The following PIK3C2B variants were observed in gnomAD, a reference collection of about 807,000 sequenced individuals.
The protein encoded by PIK3C2B is phosphatidylinositol-4-phosphate 3-kinase catalytic subunit type 2 beta.
PIK3C2B carries 83 observed loss-of-function variants against 184.3 expected under a neutral mutation model. The ratio of observed to expected loss-of-function variants is 0.45; its 90% confidence interval spans 0.38 to 0.54. The LOEUF is 0.54. Ranked by LOEUF, PIK3C2B falls within the 20% of genes least tolerant of loss-of-function variation. The pLI is 0.00. For synonymous variants in PIK3C2B, 779 were observed against 837.6 expected (o/e 0.93, Z 1.21); for missense variants, 1,736 against 2,113.5 (o/e 0.82, Z 3.50).
At chr1:204,474,420 C>G (rs375172189) in intron 1 of PIK3C2B, among the ~76,000 whole-genome samples, 1 of 152,156 alleles carries the variant, frequency 6.6e-6, no homozygotes, top group South Asian at 2.1e-4. Context: ...CTGGTGTCTG[C>G]CCCCCACATC....
At chr1:204,427,391 T>C (rs983538487) in intron 31 of PIK3C2B, among the ~76,000 whole-genome samples, 1 of 152,136 alleles carries the variant, frequency 6.6e-6, no homozygotes, top group Non-Finnish European at 1.5e-5. Context: ...AATGACTCTA[T>C]GAGGTAGGTG....
At chr1:204,450,731 T>A (rs2103490556) in intron 12 of PIK3C2B, among the ~76,000 whole-genome samples, 1 of 152,280 alleles carries the variant, frequency 6.6e-6, no homozygotes, top group African/African-American at 2.4e-5. Context: ...ATAAGTTCTC[T>A]CCAGGTCCCT....
At chr1:204,440,153 C>T (rs3014631) in intron 22 of PIK3C2B, 39 bp downstream of exon 22, 3 of 1,584,314 alleles carry the variant, frequency 1.9e-6, no homozygotes, top group Non-Finnish European at 2.6e-6. Context: ...ATAAGCAAAG[C>T]GGTCCCCTCC....
intron 28 of PIK3C2B, among the ~76,000 whole-genome samples, chr1:204,430,902 C>A (rs543389351): frequency 1.3e-5 from 2 of 152,188 alleles, no homozygotes; most frequent in East Asian, 3.8e-4. Context: ...AATCTGCCCA[C>A]CTAGGCCTCC....
At chr1:204,442,424 C>T in intron 20 of PIK3C2B, 102 bp downstream of exon 20, 1 of 737,304 alleles carries the variant, frequency 1.4e-6, no homozygotes, top group Non-Finnish European at 2.3e-6. Flanking sequence ...CATACTGACG[C>T]CCAGACAACT....
At position 204,494,748 on chromosome 1, in the gene PIK3C2B, A is replaced by G. The variant is rs1475847705; in HGVS notation, c.-477T>C. ...CTGCACGGCGACGCGACGCTCGGCCAGACCCTGCCTGGACAGGCAGGCACC... is the reference window on the plus strand; with the variant it reads ...CTGCACGGCGACGCGACGCTCGGCCGGACCCTGCCTGGACAGGCAGGCACC... On this transcript the variant is annotated 5_prime_UTR_variant, in exon 1 of 33. Coordinates refer to ENST00000684373, the MANE Select transcript of PIK3C2B (RefSeq NM_001377334.1). 6.6e-6 allele frequency: 1 copy of G among 152,114 alleles called. No individual in the cohort carries two copies. Among genetic ancestry groups the G allele is most frequent in the Non-Finnish European group, 1.5e-5 (1 of 68,016 alleles). The allele number at this position is 152,114 out of a possible 1,614,324, so 9.4% of individuals were successfully genotyped here. A position where few individuals can be genotyped will look rare whatever the true frequency, so the allele number is the denominator to read the frequency against.
In PIK3C2B at chr1:204,422,682, G is replaced by C. The variant is rs1387065658; in HGVS notation, c.*2170C>G. On this transcript the variant is annotated 3_prime_UTR_variant, in exon 33 of 33. Transcript: ENST00000684373. ...AGAAAATACAATTCCCGAGAAAGGA[G>C]ATACAAGGGATTCTGGGAAGTGGGA... 3 of 152,540 alleles carry C rather than the reference G, an allele frequency of 2.0e-5. No homozygotes were observed. The highest frequency in any genetic ancestry group is 4.4e-5 in the Non-Finnish European group (3 of 68,024). 9.4% of individuals were successfully genotyped at this position (152,540 alleles called of 1,614,324 possible). A position where few individuals can be genotyped will look rare whatever the true frequency, so the allele number is the denominator to read the frequency against.
intron 1 of PIK3C2B, among the ~76,000 whole-genome samples, chr1:204,470,905 T>C (rs567704387): frequency 6.6e-6 from 1 of 152,362 alleles, no homozygotes; most frequent in East Asian, 1.9e-4. Context: ...TATGATTCCA[T>C]TTATATAAAA....
In PIK3C2B at chr1:204,447,644, T is replaced by C; in HGVS notation, c.2347-66A>G. ...AGCGTGTGTGGACTCCCAGCTTCTT[T>C]CTCTCACCCCAGCATTCCGGCCTTG... On this transcript the variant is annotated intron_variant, in intron 14 of 32. Coordinates refer to ENST00000684373, the MANE Select transcript of PIK3C2B (RefSeq NM_001377334.1). This position sits in a 1 kb window ranked among gnomAD's most constrained non-coding sequence, Gnocchi z 4.1. The C allele has an allele frequency of 8.5e-7, 1 of 1,171,470 alleles. No homozygotes were observed. Among genetic ancestry groups the C allele is most frequent in the Non-Finnish European group, 1.3e-6 (1 of 799,356 alleles). The allele number at this position is 1,171,470 out of a possible 1,614,324, so 72.6% of individuals were successfully genotyped here.
At chr1:204,428,890 T>A (rs774588030) in intron 29 of PIK3C2B, 10 of 456,392 alleles carry the variant, frequency 2.2e-5, no homozygotes, top group South Asian at 1.1e-4. Flanking sequence ...GTTTCTCTAC[T>A]TTTCTGCATG....
intron 1 of PIK3C2B, among the ~76,000 whole-genome samples, chr1:204,476,018 A>G (rs1368942720): frequency 2.0e-5 from 3 of 152,182 alleles, no homozygotes; most frequent in East Asian, 3.9e-4. Context: ...CACAGGACCA[A>G]GAAGGCCACC....
At position 204,469,136 on chromosome 1, in the gene PIK3C2B, G is replaced by A. The variant is rs138565842; in HGVS notation, c.667C>T (p.Leu223=). ...VLGGGGQGRL[L]GSVDYDGIND... ...ATACCATCATAGTCCACAGACCCCAGTAGGCGCCCCTGACCCCCACCTCCC... is the reference window on the plus strand; with the variant it reads ...ATACCATCATAGTCCACAGACCCCAATAGGCGCCCCTGACCCCCACCTCCC... Residue 223 remains leucine, a synonymous_variant, in exon 2 of 33, where the codon CTG becomes TTG. Transcript: ENST00000684373. 5.4e-4 allele frequency: 869 copies of A among 1,614,168 alleles called. 2 individuals are homozygous for A. Among genetic ancestry groups the A allele is most frequent in the Non-Finnish European group, 6.9e-4 (817 of 1,180,020 alleles).
chr1:204,432,974 G>A (rs1029778900), intron 26 of PIK3C2B, among the ~76,000 whole-genome samples: 2 of 152,192 alleles, frequency 1.3e-5, no homozygotes, highest in African/African-American at 2.4e-5. Flanking sequence ...AGGGGGAAGC[G>A]TCTGACCAAG....
chr1:204,467,950 C>G (rs954101395), intron 2 of PIK3C2B, among the ~76,000 whole-genome samples: 1 of 152,148 alleles, frequency 6.6e-6, no homozygotes, highest in Non-Finnish European at 1.5e-5. Flanking sequence ...CTGGTCCTAC[C>G]CAGGAGATGC....
At chr1:204,450,050 C>T (rs1186089378) in intron 12 of PIK3C2B, 33 bp from the exon 13 acceptor site, 1 of 1,514,886 alleles carries the variant, frequency 6.6e-7, no homozygotes. Context: ...TTAGGAGGGG[C>T]CACTCCTGTG....
intron 12 of PIK3C2B, among the ~76,000 whole-genome samples, chr1:204,452,925 G>A (rs148174258): frequency 1.5e-3 from 224 of 152,040 alleles, no homozygotes; most frequent in African/African-American, 5.0e-3. Context: ...CCCAAAGTAC[G>A]GTGAGACTAC....
At position 204,446,535 on chromosome 1, in the gene PIK3C2B, G is replaced by C. The variant is rs555649866; in HGVS notation, c.2490-391C>G. 3.3e-5 allele frequency among the ~76,000 whole-genome samples: 5 copies of C among 152,320 alleles called. No homozygotes were observed. The South Asian group carries it at 6.2e-4, about 19-fold the overall frequency. On this transcript the variant is annotated intron_variant, in intron 15 of 32. Transcript: ENST00000684373. ...CTGCTACCCCTCCTGCGGATGCCCT[G>C]AGGGCACCACGCTCAATAGAACCAC... is the stretch of plus-strand genomic sequence containing the variant.
chr1:204,468,271 GAA>G (rs1655984168), intron 2 of PIK3C2B, among the ~76,000 whole-genome samples: 1 of 152,076 alleles, frequency 6.6e-6, no homozygotes, highest in South Asian at 2.1e-4. Flanking sequence ...GAGAGAGAGA[GAA>G]AGGGAGAAGG....
At chr1:204,456,311 T>C in intron 10 of PIK3C2B, 1 of 339,598 alleles carries the variant, frequency 2.9e-6, no homozygotes. Context: ...AGCATTAAAA[T>C]GTCCTTTCTT....
Sources: allele counts gnomAD v4.1 joint callset (sites outside exome capture counted in the v4.1 genomes callset), GRCh38; gene constraint gnomAD v4.1.1; non-coding constraint Gnocchi (gnomAD v3.1); transcripts MANE v1.5; gene names NCBI Gene and HGNC (gene_info 2026-07-23, HGNC 2026-07-21).